The following BCKDHB variants were observed in gnomAD, a reference collection of about 807,000 sequenced individuals.
BCKDHB encodes the protein branched chain keto acid dehydrogenase E1 subunit beta.
Under a neutral mutation model 48.5 loss-of-function variants are expected in BCKDHB, and 41 were observed. The observed-to-expected ratio is 0.85, with a 90% CI of 0.66 to 1.10. BCKDHB has a LOEUF of 1.10. Ranked by LOEUF, BCKDHB falls within the 50% of genes least tolerant of loss-of-function variation. The pLI is 0.00. For missense variants in BCKDHB, 496 were observed against 494.2 expected, an observed-to-expected ratio of 1.00 and a Z score of -0.03; for synonymous variants, 201 against 174.8, an observed-to-expected ratio of 1.15 and a Z score of -1.18.
At position 80,148,578 on chromosome 6, in the gene BCKDHB, T is replaced by C. The variant is rs141565478; in HGVS notation, c.344-19100T>C. On this transcript the variant is annotated intron_variant, in intron 3 of 9. Coordinates refer to ENST00000320393, the MANE Select transcript of BCKDHB (RefSeq NM_183050.4). Reference sequence around the variant, plus strand: ...GATTATAGCAATTATCATGAGTCTTTGTTCTCACTCTCCTTCCTAGTCTTA... The same window carrying C: ...GATTATAGCAATTATCATGAGTCTTCGTTCTCACTCTCCTTCCTAGTCTTA... Among the ~76,000 whole-genome samples the C allele has an allele frequency of 1.7e-3, 262 of 152,260 alleles. 1 individual carries two copies. Among genetic ancestry groups the C allele is most frequent in the African/African-American group, 6.1e-3 (252 of 41,572 alleles).
chr6:80,108,559 T>TAAA lies in BCKDHB; in HGVS notation c.196+1686_196+1688dup, dbSNP rs35042481. On this transcript the variant is annotated intron_variant, in intron 1 of 9. Coordinates refer to ENST00000320393, the MANE Select transcript of BCKDHB (RefSeq NM_183050.4). ...GATAATTTGGATAATGGATAAAAAGTAAAAAAAAAAAAAAAAAATCTGCCG... is the reference window on the plus strand; with the variant it reads ...GATAATTTGGATAATGGATAAAAAGTAAAAAAAAAAAAAAAAAAAAATCTGCCG... 5.1e-4 allele frequency among the ~76,000 whole-genome samples: 70 copies of TAAA among 137,422 alleles called. No homozygotes were observed. In the South Asian group the frequency reaches 0.014, roughly 27 times the overall value. The allele number at this position is 137,422 out of a possible 152,430, so 90.2% of individuals were successfully genotyped here.
At chr6:80,272,178 A>T (rs933473652) in intron 8 of BCKDHB, among the ~76,000 whole-genome samples, 3 of 152,180 alleles carry the variant, frequency 2.0e-5, no homozygotes, top group African/African-American at 7.2e-5. Context: ...CTGAGAGTTT[A>T]ACATATGCTA....
At chr6:80,376,279 G>A in the BCKDHB span, among the ~76,000 whole-genome samples, 17 of 152,160 alleles carry the variant, frequency 1.1e-4, no homozygotes, top group African/African-American at 3.9e-4. Flanking sequence ...GGTTGCCAGG[G>A]AAGTGGGGGA....
At chr6:80,426,815 TATA>T in the BCKDHB span, among the ~76,000 whole-genome samples, 1 of 152,160 alleles carries the variant, frequency 6.6e-6, no homozygotes, top group East Asian at 1.9e-4. Flanking sequence ...GAGAGTATAC[TATA>T]AATATCTGTT....
the BCKDHB span, among the ~76,000 whole-genome samples, chr6:80,415,199 T>G: frequency 1.3e-5 from 2 of 152,180 alleles, no homozygotes; most frequent in Non-Finnish European, 2.9e-5. Flanking sequence ...CAGGTCATGT[T>G]GTTTGCAAAC....
chr6:80,423,418 G>T, the BCKDHB span, among the ~76,000 whole-genome samples: 1 of 152,154 alleles, frequency 6.6e-6, no homozygotes, highest in African/African-American at 2.4e-5. Context: ...GAGAAATTTG[G>T]TGTTTCTCTT....
the BCKDHB span, among the ~76,000 whole-genome samples, chr6:80,378,925 G>C: frequency 6.6e-6 from 1 of 151,896 alleles, no homozygotes; most frequent in Non-Finnish European, 1.5e-5. Flanking sequence ...GGAATACTTA[G>C]TAATGAAATC....
chr6:80,410,074 G>T, the BCKDHB span, among the ~76,000 whole-genome samples: 1 of 152,114 alleles, frequency 6.6e-6, no homozygotes, highest in African/African-American at 2.4e-5. Context: ...TGTTTTTGCA[G>T]TTGCTGGTAC....
rs1249330095 is a variant in BCKDHB, at chr6:80,203,148, G to A, written c.887G>A (p.Gly296Glu). ...GCTTCCATGGCAAAAGAAAAGCTTG[G>A]AGTGTCTTGTGAAGTCATTGATCTG... ...EVASMAKEKL[G>E]VSCEVIDLRT... Residue 296 changes from glycine (G) to glutamate (E), a missense_variant, in exon 8 of 10, where the codon GGA becomes GAA. By Grantham distance (98) the Gly-to-Glu change is moderately conservative. Coordinates refer to ENST00000320393, the MANE Select transcript of BCKDHB (RefSeq NM_183050.4). 6.2e-7 allele frequency: 1 copy of A among 1,613,046 alleles called. No individual in the cohort carries two copies.
intron 8 of BCKDHB, among the ~76,000 whole-genome samples, chr6:80,255,695 T>C (rs1054307591): frequency 2.0e-5 from 3 of 152,172 alleles, no homozygotes; most frequent in Non-Finnish European, 2.9e-5. Context: ...TGGATTTGGG[T>C]CCATGTGTTT....
intron 3 of BCKDHB, among the ~76,000 whole-genome samples, chr6:80,132,931 G>C (rs1172027787): frequency 6.6e-6 from 1 of 152,126 alleles, no homozygotes; most frequent in African/African-American, 2.4e-5. Context: ...GGAATTTTTA[G>C]CTATACAGAA....
the BCKDHB span, among the ~76,000 whole-genome samples, chr6:80,373,665 T>C: frequency 2.0e-5 from 3 of 152,132 alleles, no homozygotes; most frequent in Admixed American, 1.3e-4. Context: ...ATAATAATTG[T>C]TTTTATAAAT....
At chr6:80,220,728 C>A (rs1428553189) in intron 8 of BCKDHB, among the ~76,000 whole-genome samples, 1 of 126,334 alleles carries the variant, frequency 7.9e-6, no homozygotes, top group Admixed American at 9.2e-5. Context: ...TTTTTCTTTT[C>A]TTTTTCTTTT....
chr6:80,299,551 T>A (rs1767461221), intron 9 of BCKDHB, among the ~76,000 whole-genome samples: 1 of 152,166 alleles, frequency 6.6e-6, no homozygotes, highest in Non-Finnish European at 1.5e-5. Flanking sequence ...AGCAAGTTTA[T>A]TAAGAAAGTA....
At position 80,263,184 on chromosome 6, in the gene BCKDHB, G is replaced by A. The variant is rs560367703; in HGVS notation, c.952-9951G>A. Reference sequence around the variant, plus strand: ...GTTGTGCCACTGCTCTCCATTGGGCGTGACAGAGCGAGACCTTGTCTCAAA... The same window carrying A: ...GTTGTGCCACTGCTCTCCATTGGGCATGACAGAGCGAGACCTTGTCTCAAA... On this transcript the variant is annotated intron_variant, in intron 8 of 9. Coordinates refer to ENST00000320393, the MANE Select transcript of BCKDHB (RefSeq NM_183050.4). 2.8e-4 allele frequency among the ~76,000 whole-genome samples: 43 copies of A among 152,226 alleles called. 1 individual carries two copies. In the South Asian group the frequency reaches 8.1e-3, roughly 29 times the overall value.
intron 3 of BCKDHB, among the ~76,000 whole-genome samples, chr6:80,144,180 G>A (rs957579466): frequency 1.3e-5 from 2 of 152,154 alleles, no homozygotes; most frequent in African/African-American, 4.8e-5. Context: ...CATATTAAAT[G>A]GCATAAGCCC....
At chr6:80,215,530 ATGC>A (rs1191829960) in intron 8 of BCKDHB, among the ~76,000 whole-genome samples, 1 of 152,196 alleles carries the variant, frequency 6.6e-6, no homozygotes, top group Non-Finnish European at 1.5e-5. Flanking sequence ...AATATAGTAG[ATGC>A]TCAGTAAATA....
intron 8 of BCKDHB, among the ~76,000 whole-genome samples, chr6:80,218,292 G>GT (rs1459249872): frequency 6.6e-6 from 1 of 152,004 alleles, no homozygotes; most frequent in Non-Finnish European, 1.5e-5. Context: ...GGAAAACATA[G>GT]TTTTTTTATA....
At chr6:80,162,252 T>C (rs759622604) in intron 3 of BCKDHB, among the ~76,000 whole-genome samples, 1 of 152,152 alleles carries the variant, frequency 6.6e-6, no homozygotes, top group Non-Finnish European at 1.5e-5. Context: ...ATAATTTAGT[T>C]TTGCATTTTA....
Sources: allele counts gnomAD v4.1 joint callset (sites outside exome capture counted in the v4.1 genomes callset), GRCh38; gene constraint gnomAD v4.1.1; transcripts MANE v1.5; gene names NCBI Gene and HGNC (gene_info 2026-07-23, HGNC 2026-07-21).